TENM4: variants seen among roughly 807,000 people sequenced by gnomAD.
TENM4 encodes teneurin-4.
In TENM4, 82 loss-of-function variants were observed where a neutral mutation model predicts 243.3. The observed-to-expected ratio is 0.34, with a 90% CI of 0.28 to 0.40. The LOEUF is 0.40. TENM4 is among the 10% of genes least tolerant of loss of function. The probability of loss-of-function intolerance (pLI) is 1.00; values close to 1 mark genes in which losing one functional copy is unlikely to be tolerated. For missense variants in TENM4, 3,138 were observed against 3,673.3 expected, an observed-to-expected ratio of 0.85 and a Z score of 3.77; for synonymous variants, 1,412 against 1,456.3, an observed-to-expected ratio of 0.97 and a Z score of 0.69.
intron 2 of TENM4, among the ~76,000 whole-genome samples, chr11:79,232,347 G>T (rs963226389): frequency 1.3e-5 from 2 of 152,180 alleles, no homozygotes; most frequent in Admixed American, 6.5e-5. Flanking sequence ...AGCATGCTGG[G>T]GCAGAGTCTT....
At chr11:79,387,614 TTTCAC>T (rs1365463291) in intron 1 of TENM4, among the ~76,000 whole-genome samples, 67 of 107,844 alleles carry the variant, frequency 6.2e-4, no homozygotes, top group African/African-American at 2.0e-3. Flanking sequence ...CATAAATGAG[TTTCAC>T]TTCCCTTCCC....
intron 1 of TENM4, among the ~76,000 whole-genome samples, chr11:79,420,653 A>G (rs1590953858): frequency 6.6e-6 from 1 of 152,140 alleles, no homozygotes; most frequent in Non-Finnish European, 1.5e-5. Flanking sequence ...GCATTTATCA[A>G]ACTTATTTGG....
rs998142617 is a variant in TENM4, at chr11:79,012,650, G to A, written c.493+52088C>T. On this transcript the variant is annotated intron_variant, in intron 6 of 33. Transcript: ENST00000278550. ...ATTCTTATTATCAAGGTAGTTTGCT[G>A]TGCTGAACGAGATATAGGAGGAGGT... 2.0e-5 allele frequency among the ~76,000 whole-genome samples: 3 copies of A among 152,326 alleles called. No individual in the cohort carries two copies. The East Asian group carries it at 5.8e-4, about 29-fold the overall frequency.
At chr11:79,188,876 C>T (rs375933247) in intron 3 of TENM4, among the ~76,000 whole-genome samples, 10 of 152,122 alleles carry the variant, frequency 6.6e-5, no homozygotes, top group Non-Finnish European at 1.0e-4. Flanking sequence ...GGGAAATCTT[C>T]GCACATGTTA....
intron 12 of TENM4, among the ~76,000 whole-genome samples, chr11:78,840,722 C>T (rs1299406902): frequency 2.0e-5 from 3 of 152,172 alleles, no homozygotes; most frequent in African/African-American, 4.8e-5. Context: ...TCAGTCTGAA[C>T]TGTCTTCCCA....
chr11:79,197,458 C>T (rs1361116475), intron 3 of TENM4, among the ~76,000 whole-genome samples: 1 of 151,870 alleles, frequency 6.6e-6, no homozygotes, highest in Non-Finnish European at 1.5e-5. Context: ...AATCCTAAAG[C>T]CATGTCAGCA....
intron 6 of TENM4, among the ~76,000 whole-genome samples, chr11:78,936,279 C>T (rs1192685554): frequency 6.6e-6 from 1 of 152,202 alleles, no homozygotes; most frequent in East Asian, 1.9e-4. Context: ...GTCTGAGCCT[C>T]ACTTTCTTCA....
chr11:78,708,974 T>TC (rs1472937471), intron 26 of TENM4, among the ~76,000 whole-genome samples: 7 of 144,242 alleles, frequency 4.9e-5, no homozygotes, highest in African/African-American at 2.0e-4. Context: ...TCTTTCTTTT[T>TC]TTTTTTTTTT....
At chr11:79,296,910 C>T (rs1303599595) in intron 2 of TENM4, among the ~76,000 whole-genome samples, 1 of 152,166 alleles carries the variant, frequency 6.6e-6, no homozygotes, top group Non-Finnish European at 1.5e-5. Flanking sequence ...GGGTTGTGAA[C>T]TCCTCAAAGG....
At chr11:78,948,408 C>T (rs1051669831) in intron 6 of TENM4, among the ~76,000 whole-genome samples, 1 of 143,740 alleles carries the variant, frequency 7.0e-6, no homozygotes, top group African/African-American at 2.6e-5. Context: ...GAGTCTTGCT[C>T]TGTTGCCCAG....
chr11:79,011,474 T>C (rs1369777588), intron 6 of TENM4, among the ~76,000 whole-genome samples: 1 of 152,150 alleles, frequency 6.6e-6, no homozygotes, highest in East Asian at 1.9e-4. Context: ...CCTAAGCGAG[T>C]ATTGCCTTGC....
intron 4 of TENM4, among the ~76,000 whole-genome samples, chr11:79,095,576 A>G (rs997277018): frequency 1.3e-5 from 2 of 152,140 alleles, no homozygotes; most frequent in African/African-American, 4.8e-5. Context: ...GCAACCTGCC[A>G]GGAGACCCAG....
At chr11:79,157,467 T>C (rs1407026151) in intron 3 of TENM4, among the ~76,000 whole-genome samples, 2 of 152,214 alleles carry the variant, frequency 1.3e-5, no homozygotes, top group East Asian at 3.9e-4. Flanking sequence ...GCCGAGTCCC[T>C]ACAGCATGCC....
intron 2 of TENM4, among the ~76,000 whole-genome samples, chr11:79,236,485 C>T (rs766698623): frequency 3.9e-5 from 6 of 152,110 alleles, no homozygotes; most frequent in Non-Finnish European, 5.9e-5. Flanking sequence ...GAAGTTTCTG[C>T]GCTCTCTCTT....
intron 6 of TENM4, among the ~76,000 whole-genome samples, chr11:78,954,040 A>G (rs552735262): frequency 3.2e-4 from 48 of 152,286 alleles, no homozygotes; most frequent in African/African-American, 1.1e-3. Context: ...TAGTTGTTTA[A>G]TCTCAAACAC....
At chr11:79,255,159 A>G (rs1855679366) in intron 2 of TENM4, among the ~76,000 whole-genome samples, 1 of 152,170 alleles carries the variant, frequency 6.6e-6, no homozygotes, top group Admixed American at 6.5e-5. Context: ...GTTGAAGAGG[A>G]AAAATAAAGA....
intron 4 of TENM4, among the ~76,000 whole-genome samples, chr11:79,103,383 G>A (rs1281656355): frequency 6.6e-6 from 1 of 152,230 alleles, no homozygotes; most frequent in Non-Finnish European, 1.5e-5. Flanking sequence ...CCAGGGCCAT[G>A]TTGTAAGCAT....
intron 12 of TENM4, among the ~76,000 whole-genome samples, chr11:78,821,070 C>G (rs1049697816): frequency 1.3e-5 from 2 of 152,244 alleles, no homozygotes; most frequent in African/African-American, 4.8e-5. Context: ...AAGCCCCTGA[C>G]AGACTGGGCT....
intron 1 of TENM4, among the ~76,000 whole-genome samples, chr11:79,298,007 A>G (rs1402491401): frequency 6.6e-6 from 1 of 152,086 alleles, no homozygotes; most frequent in African/African-American, 2.4e-5. Flanking sequence ...CATATTAAAA[A>G]GCACCACGCC....
Sources: allele counts gnomAD v4.1 joint callset (sites outside exome capture counted in the v4.1 genomes callset), GRCh38; gene constraint gnomAD v4.1.1; transcripts MANE v1.5; gene names NCBI Gene and HGNC (gene_info 2026-07-23, HGNC 2026-07-21).